The following GSK3B variants were observed in gnomAD, a reference collection of about 807,000 sequenced individuals.
GSK3B encodes the protein glycogen synthase kinase-3 beta.
Under a neutral mutation model 56.4 loss-of-function variants are expected in GSK3B, and 15 were observed. The observed-to-expected ratio is 0.27, with a 90% confidence interval of 0.18 to 0.41. The LOEUF (loss-of-function observed/expected upper bound fraction) is 0.41, where lower values mean the gene tolerates loss of function less well. Among genes scored for constraint, GSK3B ranks in the 10% least tolerant of loss-of-function variants. The pLI is 1.00. For synonymous variants in GSK3B, 181 were observed against 188.9 expected (o/e 0.96, Z 0.34); for missense variants, 300 against 513.4 (o/e 0.58, Z 4.02).
intron 9 of GSK3B, among the ~76,000 whole-genome samples, chr3:119,848,704 C>T (rs1203988155): frequency 6.6e-6 from 1 of 151,906 alleles, no homozygotes; most frequent in African/African-American, 2.4e-5. Context: ...CAAATCAGTA[C>T]CTAAACATCT....
intron 4 of GSK3B, among the ~76,000 whole-genome samples, chr3:119,918,300 C>G (rs1312757725): frequency 6.6e-6 from 1 of 151,616 alleles, no homozygotes. Context: ...TGGTGAAACC[C>G]CGTCTCTACT....
intron 2 of GSK3B, among the ~76,000 whole-genome samples, chr3:119,962,944 G>A (rs142666747): frequency 1.1e-3 from 167 of 152,292 alleles, no homozygotes; most frequent in African/African-American, 3.9e-3. Flanking sequence ...AGCTCAGGCA[G>A]TAATGCTCAC....
chr3:119,924,070 TA>T (rs1421798487), intron 3 of GSK3B, among the ~76,000 whole-genome samples: 1 of 152,254 alleles, frequency 6.6e-6, no homozygotes, highest in African/African-American at 2.4e-5. Flanking sequence ...TTGTCTTCTA[TA>T]ATTAACTGAA....
chr3:119,866,706 T>C, intron 8 of GSK3B: 1 of 869,050 alleles, frequency 1.2e-6, no homozygotes, highest in Non-Finnish European at 1.9e-6. Flanking sequence ...AGGAAAAATA[T>C]ATCCAATGTT....
At chr3:120,072,571 T>A (rs977782267) in intron 1 of GSK3B, among the ~76,000 whole-genome samples, 4 of 152,102 alleles carry the variant, frequency 2.6e-5, no homozygotes, top group Admixed American at 6.5e-5. Flanking sequence ...TGAGCAAGAC[T>A]CAGTCTCAAA....
chr3:120,092,634 A>T (rs2058522959), intron 1 of GSK3B, among the ~76,000 whole-genome samples: 1 of 152,220 alleles, frequency 6.6e-6, no homozygotes, highest in Non-Finnish European at 1.5e-5. Flanking sequence ...GCAGGTTGGT[A>T]ATGTCAAAAC....
At chr3:120,013,214 C>T (rs927627853) in intron 1 of GSK3B, among the ~76,000 whole-genome samples, 3 of 152,168 alleles carry the variant, frequency 2.0e-5, no homozygotes, top group Non-Finnish European at 4.4e-5. Flanking sequence ...AGCCAAAAGT[C>T]CACTTCAAGG....
intron 1 of GSK3B, among the ~76,000 whole-genome samples, chr3:120,014,726 C>A (rs964155332): frequency 6.6e-6 from 1 of 152,010 alleles, no homozygotes; most frequent in Non-Finnish European, 1.5e-5. Context: ...ACAAAAAAAA[C>A]AATTACTAAA....
chr3:120,029,595 A>G, intron 1 of GSK3B: 2 of 575,164 alleles, frequency 3.5e-6, no homozygotes, highest in Non-Finnish European at 6.7e-6. Flanking sequence ...TGTCTGCACT[A>G]AGATCCCAGA....
chr3:119,932,665 C>T (rs1038497458), intron 3 of GSK3B, among the ~76,000 whole-genome samples: 1 of 151,660 alleles, frequency 6.6e-6, no homozygotes, highest in African/African-American at 2.4e-5. Flanking sequence ...AAAAAACTCA[C>T]ACAAACCCAG....
chr3:120,086,962 G>T (rs757668415), intron 1 of GSK3B, among the ~76,000 whole-genome samples: 2 of 152,050 alleles, frequency 1.3e-5, no homozygotes, highest in African/African-American at 4.8e-5. Flanking sequence ...TGCTTAATCA[G>T]TACCTATCCA....
intron 9 of GSK3B, among the ~76,000 whole-genome samples, chr3:119,855,274 A>T (rs565893071): frequency 6.6e-6 from 1 of 152,244 alleles, no homozygotes; most frequent in African/African-American, 2.4e-5. Flanking sequence ...CAAAACCACA[A>T]GGAGATACCA....
intron 5 of GSK3B, 125 bp from the exon 6 acceptor site, chr3:119,912,935 TGAAAAA>T (rs1344243426): frequency 6.5e-6 from 3 of 461,692 alleles, no homozygotes; most frequent in African/African-American, 2.0e-5. Context: ...GAATCATATA[TGAAAAA>T]GAAAATGTAA....
rs555808989 is a variant in GSK3B at position 119,901,108 on chromosome 3, A to G, written c.813+4647T>C. On this transcript the variant is annotated intron_variant, in intron 7 of 10. Transcript: ENST00000264235. ...CAGAGGTGCCAAAGGACAATGTTGTATGTCAGTGAACATTACATTTGGCAA... is the reference window on the plus strand; with the variant it reads ...CAGAGGTGCCAAAGGACAATGTTGTGTGTCAGTGAACATTACATTTGGCAA... Among the ~76,000 whole-genome samples the G allele has an allele frequency of 1.4e-3, 210 of 152,318 alleles. 1 individual carries two copies. The highest frequency in any genetic ancestry group is 2.0e-3 in the Admixed American group (30 of 15,294).
At chr3:120,036,172 A>G (rs1169864135) in intron 1 of GSK3B, among the ~76,000 whole-genome samples, 1 of 152,206 alleles carries the variant, frequency 6.6e-6, no homozygotes, top group Non-Finnish European at 1.5e-5. Flanking sequence ...TTTATCATGA[A>G]TAGAATGTAC....
At chr3:120,077,732 G>A (rs2058379504) in intron 1 of GSK3B, among the ~76,000 whole-genome samples, 1 of 151,972 alleles carries the variant, frequency 6.6e-6, no homozygotes, top group South Asian at 2.1e-4. Context: ...ATTATAATAT[G>A]TATCATATTA....
chr3:120,053,120 T>A (rs2058164131), intron 1 of GSK3B, among the ~76,000 whole-genome samples: 1 of 152,156 alleles, frequency 6.6e-6, no homozygotes. Context: ...GTGGATCACC[T>A]GAGGTCAGGA....
intron 2 of GSK3B, among the ~76,000 whole-genome samples, chr3:119,974,418 T>C (rs1191056927): frequency 6.6e-6 from 1 of 151,760 alleles, no homozygotes; most frequent in Non-Finnish European, 1.5e-5. Flanking sequence ...CTGAGATTAA[T>C]ACCCTTATAA....
At chr3:119,947,191 G>A (rs931387656) in intron 3 of GSK3B, 77 bp downstream of exon 3, 3 of 866,274 alleles carry the variant, frequency 3.5e-6, no homozygotes, top group African/African-American at 3.3e-5. Flanking sequence ...AACTGTCTAT[G>A]AGCGGTGGGG....
Sources: allele counts gnomAD v4.1 joint callset (sites outside exome capture counted in the v4.1 genomes callset), GRCh38; gene constraint gnomAD v4.1.1; transcripts MANE v1.5; gene names NCBI Gene and HGNC (gene_info 2026-07-23, HGNC 2026-07-21).